The following POLR3H variants were observed in gnomAD, a reference collection of about 807,000 sequenced individuals.
POLR3H encodes DNA-directed RNA polymerase III subunit RPC8.
A neutral mutation model predicts 25.5 loss-of-function variants in POLR3H; 17 were observed. The observed-to-expected ratio is 0.67, with a 90% CI of 0.46 to 1.00. The LOEUF is 1.00. POLR3H is among the 50% of genes least tolerant of loss of function. The pLI, the probability that POLR3H is intolerant of heterozygous loss-of-function variation, is 0.00. For synonymous variants in POLR3H, 129 were observed against 103.0 expected (o/e 1.25, Z -1.53); for missense variants, 274 against 265.0 (o/e 1.03, Z -0.24).
chr22:41,529,368 T>G (rs776699896), intron 5 of POLR3H, 32 bp from the exon 6 acceptor site: 6 of 1,609,300 alleles, frequency 3.7e-6, no homozygotes, highest in Non-Finnish European at 5.1e-6. Flanking sequence ...CACATTTCAC[T>G]GACATGCTGG....
chr22:41,535,174 A>G (rs1409783327), intron 2 of POLR3H, among the ~76,000 whole-genome samples: 1 of 152,164 alleles, frequency 6.6e-6, no homozygotes. Flanking sequence ...GAACTATATA[A>G]TGCTTGTTTG....
Position 41,526,995 on chromosome 22 carries a change from A to G in POLR3H, c.*2288T>C, listed in dbSNP as rs1191555485. 2.0e-5 allele frequency: 10 copies of G among 493,144 alleles called. No individual in the cohort carries two copies. The highest frequency in any genetic ancestry group is 7.2e-5 in the Admixed American group (2 of 27,630). 30.5% of individuals were successfully genotyped at this position (493,144 alleles called of 1,614,324 possible). A position where few individuals can be genotyped will look rare whatever the true frequency, so the allele number is the denominator to read the frequency against. On this transcript the variant is annotated 3_prime_UTR_variant, in exon 6 of 6. Coordinates refer to ENST00000355209, the MANE Select transcript of POLR3H (RefSeq NM_001018050.4). ...GGGGCCCGGAGGCCGTCCCTGTCTC[A>G]CCCAACCTCCCTCCACACACACCTG...
intron 2 of POLR3H, among the ~76,000 whole-genome samples, chr22:41,534,008 G>A (rs1370241509): frequency 6.6e-6 from 1 of 152,160 alleles, no homozygotes; most frequent in African/African-American, 2.4e-5. Flanking sequence ...TGTGGTACCA[G>A]GTGCCTATGA....
chr22:41,538,792 A>G (rs1011755033), intron 2 of POLR3H, among the ~76,000 whole-genome samples: 2 of 152,210 alleles, frequency 1.3e-5, no homozygotes, highest in Non-Finnish European at 1.5e-5. Context: ...TCGGCGTACC[A>G]TGGTAACATC....
chr22:41,538,372 C>T (rs916087462), intron 2 of POLR3H, among the ~76,000 whole-genome samples: 4 of 151,932 alleles, frequency 2.6e-5, no homozygotes, highest in African/African-American at 4.8e-5. Context: ...ATGATCTGCC[C>T]GCCTCGGCCT....
chr22:41,528,151 G>A lies in POLR3H; in HGVS notation c.*1132C>T. 7.0e-7 allele frequency: 1 copy of A among 1,422,432 alleles called. No individual in the cohort carries two copies. Among genetic ancestry groups the A allele is most frequent in the Non-Finnish European group, 9.5e-7 (1 of 1,051,528 alleles). The allele number at this position is 1,422,432 out of a possible 1,614,324, so 88.1% of individuals were successfully genotyped here. A position where few individuals can be genotyped will look rare whatever the true frequency, so the allele number is the denominator to read the frequency against. On this transcript the variant is annotated 3_prime_UTR_variant, in exon 6 of 6. Coordinates refer to ENST00000355209, the MANE Select transcript of POLR3H (RefSeq NM_001018050.4). ...AGCTGGAAAGGCCCCCAGTTCTCCA[G>A]GTGGCCCCACAGAGAAAGCAAAGTG...
chr22:41,530,203 T>G (rs540532704), intron 5 of POLR3H, among the ~76,000 whole-genome samples: 3 of 152,046 alleles, frequency 2.0e-5, no homozygotes, highest in Non-Finnish European at 4.4e-5. Context: ...AACCTTGAAC[T>G]CCTGGGCTTA....
Position 41,526,009 on chromosome 22 carries a change from T to G in POLR3H, c.*3274A>C. On this transcript the variant is annotated 3_prime_UTR_variant, in exon 6 of 6. Transcript: ENST00000355209. The stretch of plus-strand genomic sequence containing the variant: ...GAGCGAACATTGACCTGTCCCAACT[T>G]TGGGCGGCCTCTGCCCCATAAGGGA... The G allele has an allele frequency of 2.4e-6, 1 of 419,378 alleles. No homozygotes were observed. Among genetic ancestry groups the G allele is most frequent in the Non-Finnish European group, 4.3e-6 (1 of 232,990 alleles). 26.0% of individuals were successfully genotyped at this position (419,378 alleles called of 1,614,324 possible).
chr22:41,544,129 C>CA lies in POLR3H; in HGVS notation c.-29dup, dbSNP rs750004690. The stretch of plus-strand genomic sequence containing the variant: ...CGGCCTGCGCTGGGGGCTCTGGGAA[C>CA]AGGAGGGTCAGTCACGCACCAGGGC... On this transcript the variant is annotated 5_prime_UTR_variant, in exon 1 of 6. Transcript: ENST00000355209. 2 of 1,456,622 alleles carry CA rather than the reference C, an allele frequency of 1.4e-6. No homozygotes were observed. The highest frequency in any genetic ancestry group is 1.9e-6 in the Non-Finnish European group (2 of 1,040,436). 90.2% of individuals were successfully genotyped at this position (1,456,622 alleles called of 1,614,324 possible).
At chr22:41,533,519 C>A in intron 2 of POLR3H, 1 of 1,231,512 alleles carries the variant, frequency 8.1e-7, no homozygotes, top group Non-Finnish European at 1.0e-6. Flanking sequence ...TTTCTGTACC[C>A]ACCAGACAGG....
At chr22:41,529,765 T>G (rs1426165609) in intron 5 of POLR3H, 7 of 440,106 alleles carry the variant, frequency 1.6e-5, no homozygotes, top group Admixed American at 1.1e-4. Context: ...TTTTTGTTGT[T>G]TTTTTTTTTT....
chr22:41,538,147 T>C lies in POLR3H; in HGVS notation c.208+2552A>G, dbSNP rs2066878189. 1.3e-5 allele frequency among the ~76,000 whole-genome samples: 2 copies of C among 150,248 alleles called. 1 individual carries two copies. Among genetic ancestry groups the C allele is most frequent in the South Asian group, 4.3e-4 (2 of 4,688 alleles). On this transcript the variant is annotated intron_variant, in intron 2 of 5. Coordinates refer to ENST00000355209, the MANE Select transcript of POLR3H (RefSeq NM_001018050.4). ...CACCCAAATAATTTTTTTTTTTTTT[T>C]TTTTGAGACGGAGTTTCACTCTGTT... is the stretch of plus-strand genomic sequence containing the variant.
chr22:41,532,616 C>T (rs774344399), intron 3 of POLR3H, 43 bp downstream of exon 3: 10 of 1,613,816 alleles, frequency 6.2e-6, no homozygotes, highest in African/African-American at 5.3e-5. Flanking sequence ...CCTGCCCCCA[C>T]AGTGTTCCCA....
chr22:41,533,372 T>C, intron 2 of POLR3H: 1 of 456,268 alleles, frequency 2.2e-6, no homozygotes, highest in Non-Finnish European at 3.3e-6. Context: ...AAAGTAGGAG[T>C]CCAACGCTGA....
rs927140518 is a variant in POLR3H, at chr22:41,525,958, G to A, written c.*3325C>T. 8.8e-5 allele frequency: 28 copies of A among 317,702 alleles called. No individual in the cohort carries two copies. Among genetic ancestry groups the A allele is most frequent in the Non-Finnish European group, 1.5e-4 (25 of 171,632 alleles). 19.7% of individuals were successfully genotyped at this position (317,702 alleles called of 1,614,324 possible). A position where few individuals can be genotyped will look rare whatever the true frequency, so the allele number is the denominator to read the frequency against. ...TGTGTCCAGCATGAGGTCTGTGGCT[G>A]ATCTTGCAGCTGAGGCCTGAAGGGT... On this transcript the variant is annotated 3_prime_UTR_variant, in exon 6 of 6. Transcript: ENST00000355209.
At chr22:41,533,268 C>T (rs566693268) in intron 2 of POLR3H, among the ~76,000 whole-genome samples, 1 of 152,206 alleles carries the variant, frequency 6.6e-6, no homozygotes, top group Non-Finnish European at 1.5e-5. Flanking sequence ...AGGAAAACAC[C>T]AGGTGGGGTC....
chr22:41,529,513 CA>C (rs908481608), intron 5 of POLR3H, among the ~76,000 whole-genome samples, 177 bp from the exon 6 acceptor site: 1 of 152,212 alleles, frequency 6.6e-6, no homozygotes, highest in Non-Finnish European at 1.5e-5. Context: ...GGGCACGCAG[CA>C]CGCAGGGCGC....
Position 41,529,001 on chromosome 22 carries a change from CTG to C in POLR3H, c.*280_*281del. The C allele has an allele frequency of 1.9e-6, 1 of 537,984 alleles. No homozygotes were observed. Among genetic ancestry groups the C allele is most frequent in the Non-Finnish European group, 3.3e-6 (1 of 305,132 alleles). 33.3% of individuals were successfully genotyped at this position (537,984 alleles called of 1,614,324 possible). On this transcript the variant is annotated 3_prime_UTR_variant, in exon 6 of 6. Coordinates refer to ENST00000355209, the MANE Select transcript of POLR3H (RefSeq NM_001018050.4). ...TGACTGTTCTGTGAGTGATTGGTGT[CTG>C]TGCCGTTTGTTGTCAAGTCCAGGGT... is the stretch of plus-strand genomic sequence containing the variant.
intron 2 of POLR3H, chr22:41,539,412 C>G (rs1366678906): frequency 6.6e-6 from 1 of 152,298 alleles, no homozygotes; most frequent in East Asian, 1.9e-4. Context: ...ATGGGCCTCT[C>G]ACCATCTCCT....
Sources: gnomAD v4.1 joint callset for allele counts (sites outside exome capture counted in the v4.1 genomes callset) on GRCh38, gnomAD v4.1.1 for gene constraint, MANE v1.5 for transcripts, NCBI Gene and HGNC (gene_info 2026-07-23, HGNC 2026-07-21) for gene names.